Variants in EYS observed in about 807,000 individuals in gnomAD.
The protein encoded by EYS is protein eyes shut homolog.
Under a neutral mutation model 282.1 loss-of-function variants are expected in EYS, and 250 were observed. The ratio of observed to expected loss-of-function variants is 0.89; its 90% CI spans 0.80 to 0.98. The LOEUF (loss-of-function observed/expected upper bound fraction) is 0.98. Ranked by LOEUF, EYS falls within the 50% of genes least tolerant of loss-of-function variation. The pLI, the probability that EYS is intolerant of heterozygous loss-of-function variation, is 0.00. For missense variants in EYS, 4,016 were observed against 3,709.0 expected (o/e 1.08, Z -2.15); for synonymous variants, 1,355 against 1,282.9 (o/e 1.06, Z -1.20).
chr6:65,687,244 A>C (rs1200912440), intron 1 of EYS, among the ~76,000 whole-genome samples: 1 of 152,094 alleles, frequency 6.6e-6, no homozygotes, highest in Admixed American at 6.6e-5. Flanking sequence ...TATTTGAAAA[A>C]TTACATACTA....
At chr6:65,424,886 C>T (rs1239939870) in intron 5 of EYS, among the ~76,000 whole-genome samples, 1 of 151,938 alleles carries the variant, frequency 6.6e-6, no homozygotes, top group Non-Finnish European at 1.5e-5. Flanking sequence ...TGAACTATTA[C>T]TCTATATTTT....
intron 14 of EYS, among the ~76,000 whole-genome samples, chr6:64,960,814 C>A (rs549622752): frequency 2.0e-5 from 3 of 152,106 alleles, no homozygotes; most frequent in Non-Finnish European, 1.5e-5. Flanking sequence ...TGCCACCCAC[C>A]ACCCTCTGAT....
intron 21 of EYS, chr6:64,815,160 A>G (rs957798153): frequency 2.4e-5 from 10 of 422,286 alleles, no homozygotes; most frequent in East Asian, 1.5e-4. Context: ...CCCACCCCCT[A>G]CAAGTGATAG....
At chr6:65,382,467 G>GTGTGTC (rs70999202) in intron 8 of EYS, among the ~76,000 whole-genome samples, 19,698 of 143,776 alleles carry the variant, frequency 0.14, 1,483 homozygotes, top group South Asian at 0.25. Context: ...CTGTGTGTGT[G>GTGTGTC]TGTGTGTGTG....
chr6:64,191,549 A>G (rs936328254), intron 31 of EYS, among the ~76,000 whole-genome samples: 2 of 149,948 alleles, frequency 1.3e-5, no homozygotes, highest in African/African-American at 4.9e-5. Context: ...TCATTGTTCA[A>G]TTCCCACCTA....
At chr6:65,519,726 T>G (rs1485606794) in intron 2 of EYS, among the ~76,000 whole-genome samples, 2 of 89,720 alleles carry the variant, frequency 2.2e-5, no homozygotes, top group African/African-American at 9.3e-5. Flanking sequence ...TTTTTTTTTT[T>G]TTTTTTTGAG....
chr6:64,831,473 G>A (rs1266190878), intron 19 of EYS, among the ~76,000 whole-genome samples: 1 of 151,846 alleles, frequency 6.6e-6, no homozygotes, highest in East Asian at 1.9e-4. Context: ...TTATTTTCCT[G>A]TCTATAAATA....
intron 35 of EYS, among the ~76,000 whole-genome samples, chr6:63,909,773 C>A (rs1012170377): frequency 6.6e-6 from 1 of 152,060 alleles, no homozygotes; most frequent in Non-Finnish European, 1.5e-5. Context: ...CTGAGCCACC[C>A]CCAGAAATTC....
chr6:64,145,236 C>T (rs1416489245), intron 31 of EYS, among the ~76,000 whole-genome samples: 2 of 152,172 alleles, frequency 1.3e-5, no homozygotes, highest in Admixed American at 1.3e-4. Context: ...GCAGCTGTAT[C>T]ATCAGTCTTA....
rs894894579 is a variant in EYS at position 65,082,125 on chromosome 6, G to T, written c.2024-24398C>A. Among the ~76,000 whole-genome samples, 3 of 152,156 alleles carry T rather than the reference G, an allele frequency of 2.0e-5. No homozygotes were observed. The East Asian group carries it at 5.8e-4, about 29-fold the overall frequency. On this transcript the variant is annotated intron_variant, in intron 12 of 42. Coordinates refer to ENST00000503581, the MANE Select transcript of EYS (RefSeq NM_001142800.2). ...CAGATCCATGTCTCACAGGAAGGTT[G>T]ACAAGTAAGCCACAAAATTATCCAT...
chr6:64,771,647 A>C (rs78944956), intron 22 of EYS, among the ~76,000 whole-genome samples: 3,618 of 151,786 alleles, frequency 0.024, 141 homozygotes, highest in African/African-American at 0.083. Flanking sequence ...TCATCTTAGG[A>C]ATTCTGTAAG....
chr6:64,306,275 G>A (rs1018964975), intron 30 of EYS, among the ~76,000 whole-genome samples: 4 of 152,098 alleles, frequency 2.6e-5, no homozygotes, highest in African/African-American at 9.7e-5. Context: ...ATTAAGATGT[G>A]AGCTTTTATG....
intron 41 of EYS, among the ~76,000 whole-genome samples, chr6:63,750,774 T>C (rs1015351757): frequency 2.0e-5 from 3 of 152,204 alleles, no homozygotes; most frequent in African/African-American, 7.2e-5. Flanking sequence ...ATTCCGTCTT[T>C]GTCTTACAAT....
At chr6:65,677,277 T>A (rs140717198) in intron 1 of EYS, among the ~76,000 whole-genome samples, 4 of 151,598 alleles carry the variant, frequency 2.6e-5, no homozygotes, top group African/African-American at 9.7e-5. Flanking sequence ...AGAAATAAAA[T>A]CAATTATATT....
chr6:64,262,377 C>T (rs1456101377), intron 30 of EYS, among the ~76,000 whole-genome samples: 1 of 151,182 alleles, frequency 6.6e-6, no homozygotes, highest in Non-Finnish European at 1.5e-5. Context: ...GCAAAAAATA[C>T]AAATTGCATA....
intron 31 of EYS, among the ~76,000 whole-genome samples, chr6:64,188,963 T>A (rs1466050969): frequency 1.3e-5 from 2 of 152,174 alleles, no homozygotes; most frequent in African/African-American, 4.8e-5. Context: ...TGATAGATAT[T>A]CTTTTTCATA....
intron 42 of EYS, among the ~76,000 whole-genome samples, chr6:63,723,788 CATTATTATT>C (rs57873412): frequency 0.18 from 24,698 of 138,052 alleles, 2,285 homozygotes; most frequent in South Asian, 0.26. Context: ...TACACATTGG[CATTATTATT>C]ATTATTATTA....
chr6:65,639,397 C>A (rs1562303261), intron 2 of EYS, among the ~76,000 whole-genome samples: 2 of 150,070 alleles, frequency 1.3e-5, no homozygotes, highest in East Asian at 3.9e-4. Context: ...TCCATTAACT[C>A]AAAAAAAAAT....
At chr6:63,876,736 T>G (rs1028666574) in intron 35 of EYS, among the ~76,000 whole-genome samples, 3 of 152,228 alleles carry the variant, frequency 2.0e-5, no homozygotes, top group African/African-American at 7.2e-5. Context: ...CTTCTTTGTC[T>G]CTTTTGATCT....
Sources: allele counts gnomAD v4.1 joint callset (sites outside exome capture counted in the v4.1 genomes callset), GRCh38; gene constraint gnomAD v4.1.1; transcripts MANE v1.5; gene names NCBI Gene and HGNC (gene_info 2026-07-23, HGNC 2026-07-21).